The following GYPE variants were observed in gnomAD, a reference collection of about 807,000 sequenced individuals.
GYPE encodes the protein glycophorin-E.
Under a neutral mutation model 11.6 loss-of-function variants are expected in GYPE, and 8 were observed. That is an observed-to-expected ratio of 0.69 (90% CI 0.41 to 1.25). The LOEUF is 1.25. GYPE is among the 50% of genes most tolerant of loss of function. The pLI is 0.01. For synonymous variants in GYPE, 28 were observed against 29.6 expected, an observed-to-expected ratio of 0.94 and a Z score of 0.18; for missense variants, 90 against 92.8, an observed-to-expected ratio of 0.97 and a Z score of 0.12.
At chr4:143,889,649 G>T (rs1045521761) in intron 1 of GYPE, among the ~76,000 whole-genome samples, 2 of 152,132 alleles carry the variant, frequency 1.3e-5, no homozygotes, top group African/African-American at 2.4e-5. Context: ...CTATAGGTGC[G>T]CACCGCCATG....
At chr4:143,880,222 T>G (rs1743970819) in intron 2 of GYPE, among the ~76,000 whole-genome samples, 189 bp downstream of exon 2, 1 of 152,202 alleles carries the variant, frequency 6.6e-6, no homozygotes, top group African/African-American at 2.4e-5. Flanking sequence ...ACAGTATTAT[T>G]TCTGTGAGAT....
chr4:143,895,867 T>C (rs1744609371), intron 1 of GYPE, among the ~76,000 whole-genome samples: 1 of 152,104 alleles, frequency 6.6e-6, no homozygotes, highest in African/African-American at 2.4e-5. Flanking sequence ...TCTACAACTC[T>C]CTGATCTTTG....
intron 2 of GYPE, among the ~76,000 whole-genome samples, chr4:143,879,330 TTTAA>T (rs1257499843): frequency 6.6e-6 from 1 of 152,214 alleles, no homozygotes; most frequent in African/African-American, 2.4e-5. Flanking sequence ...TTTTCTAGAG[TTTAA>T]TTATTACAAA....
chr4:143,874,850 T>C (rs1180338516), intron 3 of GYPE, among the ~76,000 whole-genome samples: 10 of 152,278 alleles, frequency 6.6e-5, no homozygotes, highest in Middle Eastern at 3.4e-3. Flanking sequence ...AGTCAGGCCC[T>C]TCTCTATGTG....
intron 1 of GYPE, among the ~76,000 whole-genome samples, chr4:143,896,901 G>C (rs1015754221): frequency 3.3e-5 from 5 of 151,676 alleles, no homozygotes; most frequent in East Asian, 1.9e-4. Flanking sequence ...GCAAACTATC[G>C]CAAGGACAAA....
intron 1 of GYPE, among the ~76,000 whole-genome samples, chr4:143,894,467 G>T (rs1744547819): frequency 6.6e-6 from 1 of 151,700 alleles, no homozygotes; most frequent in African/African-American, 2.4e-5. Context: ...TTTGATGATG[G>T]TGATGTACAG....
intron 1 of GYPE, among the ~76,000 whole-genome samples, chr4:143,881,212 C>T (rs955310007): frequency 4.0e-5 from 6 of 150,830 alleles, no homozygotes; most frequent in Non-Finnish European, 7.4e-5. Context: ...AAACCACGCA[C>T]GCAAACATGA....
intron 3 of GYPE, chr4:143,875,599 T>A: frequency 1.9e-6 from 3 of 1,539,360 alleles, no homozygotes; most frequent in Non-Finnish European, 2.6e-6. Flanking sequence ...CACAGGCCAA[T>A]CCTTCATAGG....
chr4:143,886,327 A>T (rs1265566308), intron 1 of GYPE, among the ~76,000 whole-genome samples: 1 of 149,552 alleles, frequency 6.7e-6, no homozygotes, highest in East Asian at 2.0e-4. Context: ...TTGAAAAAAA[A>T]AAATCACTTA....
rs537846159 is a variant in GYPE at position 143,905,296 on chromosome 4, C to T, written c.37+175G>A. ...GCCATAAATACTGGGCTCCCTTGTGCCATTTCCCCCACATTGGTAGCTGAG... is the reference window on the plus strand; with the variant it reads ...GCCATAAATACTGGGCTCCCTTGTGTCATTTCCCCCACATTGGTAGCTGAG... On this transcript the variant is annotated intron_variant, in intron 1 of 3. Coordinates refer to ENST00000358615, the MANE Select transcript of GYPE (RefSeq NM_198682.3). Among the ~76,000 whole-genome samples, 142 of 152,254 alleles carry T rather than the reference C, an allele frequency of 9.3e-4. No homozygotes were observed. In the Middle Eastern group the frequency reaches 0.017, roughly 18 times the overall value.
In GYPE at chr4:143,871,618, T is replaced by A. The variant is rs1743624098; in HGVS notation, c.*644A>T. Reference sequence around the variant, plus strand: ...AATGGGTAAATCCCACTTCACCTAATGAAGAAAAGGAGAAGGATGCACTTC... The same window carrying A: ...AATGGGTAAATCCCACTTCACCTAAAGAAGAAAAGGAGAAGGATGCACTTC... On this transcript the variant is annotated 3_prime_UTR_variant, in exon 4 of 4. Transcript: ENST00000358615. The A allele has an allele frequency of 1.3e-5, 2 of 152,044 alleles. No individual in the cohort carries two copies. Among genetic ancestry groups the A allele is most frequent in the African/African-American group, 4.8e-5 (2 of 41,370 alleles). The allele number at this position is 152,044 out of a possible 1,614,324, so 9.4% of individuals were successfully genotyped here. A position where few individuals can be genotyped will look rare whatever the true frequency, so the allele number is the denominator to read the frequency against.
chr4:143,880,906 G>A (rs1046195676), intron 1 of GYPE, among the ~76,000 whole-genome samples: 11 of 150,308 alleles, frequency 7.3e-5, no homozygotes, highest in African/African-American at 2.7e-4. Context: ...TTACATGTAT[G>A]TTGGGTATTA....
intron 1 of GYPE, among the ~76,000 whole-genome samples, chr4:143,889,169 TG>T (rs1744309666): frequency 6.6e-6 from 1 of 151,350 alleles, no homozygotes. Context: ...ATCTCGAAGG[TG>T]TTGTGGCCTA....
chr4:143,899,636 T>C (rs1360565208), intron 1 of GYPE, among the ~76,000 whole-genome samples: 1 of 150,890 alleles, frequency 6.6e-6, no homozygotes, highest in Non-Finnish European at 1.5e-5. Flanking sequence ...ATTCTTCGGA[T>C]AGAATTGAGA....
intron 1 of GYPE, among the ~76,000 whole-genome samples, chr4:143,880,892 A>G (rs1578957840): frequency 6.6e-6 from 1 of 152,000 alleles, no homozygotes; most frequent in East Asian, 1.9e-4. Context: ...GCACATAAAG[A>G]GCATTACATG....
intron 1 of GYPE, among the ~76,000 whole-genome samples, chr4:143,894,854 G>A (rs1236527598): frequency 1.3e-5 from 2 of 151,800 alleles, no homozygotes; most frequent in African/African-American, 2.4e-5. Context: ...TTCAATATAC[G>A]CAAATCAATA....
intron 1 of GYPE, among the ~76,000 whole-genome samples, chr4:143,898,311 A>C (rs1744738761): frequency 1.3e-5 from 2 of 152,182 alleles, no homozygotes; most frequent in Admixed American, 1.3e-4. Context: ...TGGGAGGCAG[A>C]GGTTGCAGTG....
chr4:143,885,028 C>T (rs1184871247), intron 1 of GYPE, among the ~76,000 whole-genome samples: 1 of 150,804 alleles, frequency 6.6e-6, no homozygotes, highest in East Asian at 2.0e-4. Flanking sequence ...AGTAGAGGGT[C>T]CCATCTTGTG....
At chr4:143,889,438 A>T (rs1222947755) in intron 1 of GYPE, among the ~76,000 whole-genome samples, 1 of 152,022 alleles carries the variant, frequency 6.6e-6, no homozygotes, top group Non-Finnish European at 1.5e-5. Context: ...TGGTTGGGGG[A>T]TCTGTGAAAG....
Sources: gnomAD v4.1 joint callset for allele counts (sites outside exome capture counted in the v4.1 genomes callset) on GRCh38, gnomAD v4.1.1 for gene constraint, MANE v1.5 for transcripts, NCBI Gene and HGNC (gene_info 2026-07-23, HGNC 2026-07-21) for gene names.